PTGER3: variants seen among roughly 807,000 people sequenced by gnomAD.
PTGER3 encodes prostaglandin E2 receptor EP3 subtype.
PTGER3 carries 22 observed loss-of-function variants against 34.7 expected under a neutral mutation model. The observed-to-expected ratio is 0.63, with a 90% CI of 0.45 to 0.91. The LOEUF (loss-of-function observed/expected upper bound fraction) is 0.91. Ranked by LOEUF, PTGER3 falls within the 40% of genes least tolerant of loss-of-function variation. PTGER3 has a pLI of 0.00. For missense variants in PTGER3, 468 were observed against 519.4 expected, an observed-to-expected ratio of 0.90 and a Z score of 0.96; for synonymous variants, 241 against 230.1, an observed-to-expected ratio of 1.05 and a Z score of -0.43.
intron 2 of PTGER3, chr1:71,010,457 T>C: frequency 3.0e-6 from 3 of 984,052 alleles, no homozygotes; most frequent in Non-Finnish European, 3.6e-6. Context: ...GTTTCTATAT[T>C]CCAGGTGCTA....
intron 4 of PTGER3, among the ~76,000 whole-genome samples, chr1:70,873,024 T>G (rs1646195737): frequency 6.6e-6 from 1 of 152,192 alleles, no homozygotes; most frequent in Admixed American, 6.5e-5. Flanking sequence ...CTTTCCAAGC[T>G]TCTGAAAGTA....
At chr1:71,036,318 C>T (rs1362930303) in intron 1 of PTGER3, among the ~76,000 whole-genome samples, 1 of 152,188 alleles carries the variant, frequency 6.6e-6, no homozygotes, top group Middle Eastern at 3.4e-3. Context: ...TGGCCACATT[C>T]ACTACAGGGA....
In PTGER3 at chr1:70,925,571, G is replaced by T. The variant is rs1428914205; in HGVS notation, c.*23+28192C>A. Among the ~76,000 whole-genome samples the T allele has an allele frequency of 3.3e-5, 5 of 152,148 alleles. 1 individual carries two copies. The East Asian group carries it at 9.6e-4, about 29-fold the overall frequency. On this transcript the variant is annotated intron_variant, in intron 4 of 4. Coordinates refer to the PTGER3 transcript ENST00000370931. ...TCATTTTTGATGTAGTCACTTAATG[G>T]AATAAAATTTAATTCTGCAAAAAAA...
At chr1:70,882,720 C>A (rs541278495) in intron 4 of PTGER3, among the ~76,000 whole-genome samples, 1 of 152,214 alleles carries the variant, frequency 6.6e-6, no homozygotes, top group African/African-American at 2.4e-5. Context: ...TGCATAGGTC[C>A]CTGTGGAGAG....
chr1:71,008,680 C>A, intron 2 of PTGER3: 5 of 981,752 alleles, frequency 5.1e-6, no homozygotes, highest in Non-Finnish European at 6.0e-6. Context: ...TGGACTAGGC[C>A]ACAGTTGCAC....
intron 4 of PTGER3, among the ~76,000 whole-genome samples, chr1:70,858,621 G>A (rs964698720): frequency 6.6e-6 from 1 of 151,976 alleles, no homozygotes; most frequent in Non-Finnish European, 1.5e-5. Context: ...AGAAAATTGG[G>A]ACCAACAAAA....
chr1:70,908,899 AT>A (rs1647005287), intron 4 of PTGER3, among the ~76,000 whole-genome samples: 1 of 152,162 alleles, frequency 6.6e-6, no homozygotes, highest in African/African-American at 2.4e-5. Flanking sequence ...TTACATATCC[AT>A]TTTTACATAA....
chr1:71,039,676 A>G (rs758117412), intron 1 of PTGER3, among the ~76,000 whole-genome samples: 31 of 151,686 alleles, frequency 2.0e-4, no homozygotes, highest in Non-Finnish European at 3.5e-4. Flanking sequence ...AAAAAGAAAA[A>G]AAGAAAGAAA....
At chr1:70,901,958 TC>T (rs1253723346) in intron 4 of PTGER3, among the ~76,000 whole-genome samples, 1 of 152,066 alleles carries the variant, frequency 6.6e-6, no homozygotes, top group African/African-American at 2.4e-5. Context: ...GAATAGAGAC[TC>T]AAACAGCTTC....
At chr1:70,852,942 CT>C in intron 4 of PTGER3, 1 of 1,450,128 alleles carries the variant, frequency 6.9e-7, no homozygotes, top group Non-Finnish European at 9.7e-7. Flanking sequence ...GCAATAAATT[CT>C]CATAAATTTC....
exon 3 of PTGER3, chr1:70,953,785 C>G: frequency 7.1e-7 from 1 of 1,408,476 alleles, no homozygotes. Context: ...TCTTCTTTTT[C>G]TCATCTGAAA....
chr1:70,992,868 G>T (rs1316236703), intron 2 of PTGER3, among the ~76,000 whole-genome samples: 1 of 152,186 alleles, frequency 6.6e-6, no homozygotes, highest in African/African-American at 2.4e-5. Context: ...CGAAGCATTT[G>T]ATTAATGATC....
chr1:70,930,241 C>T (rs1648552966), intron 4 of PTGER3, among the ~76,000 whole-genome samples: 1 of 152,216 alleles, frequency 6.6e-6, no homozygotes, highest in African/African-American at 2.4e-5. Context: ...AAAGCAGACT[C>T]CGTCCTACTG....
chr1:70,981,799 C>T (rs1333703886), intron 2 of PTGER3, among the ~76,000 whole-genome samples: 1 of 152,002 alleles, frequency 6.6e-6, no homozygotes, highest in Non-Finnish European at 1.5e-5. Context: ...ACGTAAATAA[C>T]CAACCAATGC....
rs76734236 is a variant in PTGER3, at chr1:70,958,661, T to C, written c.1078-4872A>G. Among the ~76,000 whole-genome samples, 176 of 152,332 alleles carry C rather than the reference T, an allele frequency of 1.2e-3. 3 individuals are homozygous for C. In the East Asian group the frequency reaches 0.032, roughly 27 times the overall value. On this transcript the variant is annotated intron_variant, in intron 2 of 3. Transcript: ENST00000356595. ...ACTTCATTGATCATTTCCTTTGCTG[T>C]ACAGAAGCTTTTTAGTTTTATGTAA...
intron 3 of PTGER3, among the ~76,000 whole-genome samples, chr1:70,972,764 T>TA (rs1365907277): frequency 3.3e-5 from 5 of 151,834 alleles, no homozygotes; most frequent in African/African-American, 7.3e-5. Flanking sequence ...AGAACAAGAT[T>TA]AAAAAATGTA....
chr1:70,905,684 T>C (rs1646931619), intron 4 of PTGER3, among the ~76,000 whole-genome samples: 1 of 152,172 alleles, frequency 6.6e-6, no homozygotes, highest in African/African-American at 2.4e-5. Flanking sequence ...TCATTGTATC[T>C]AGGAAGCAAC....
intron 2 of PTGER3, chr1:71,006,159 T>C (rs1656941293): frequency 1.0e-6 from 1 of 983,668 alleles, no homozygotes. Context: ...AACAAAACTC[T>C]GCCTATCCTG....
intron 1 of PTGER3, among the ~76,000 whole-genome samples, chr1:71,031,462 A>G (rs960182754): frequency 6.6e-5 from 10 of 152,210 alleles, no homozygotes; most frequent in Non-Finnish European, 1.5e-4. Flanking sequence ...CACATATGTC[A>G]TAAACCAAGT....
Sources: allele counts gnomAD v4.1 joint callset (sites outside exome capture counted in the v4.1 genomes callset), GRCh38; gene constraint gnomAD v4.1.1; transcripts MANE v1.5; gene names NCBI Gene and HGNC (gene_info 2026-07-23, HGNC 2026-07-21).